The following DPYSL3 variants were observed in gnomAD, a reference collection of about 807,000 sequenced individuals.
DPYSL3 encodes dihydropyrimidinase-related protein 3.
In DPYSL3, 16 loss-of-function variants were observed where a neutral mutation model predicts 66.1. That is an observed-to-expected ratio of 0.24 (90% CI 0.16 to 0.37). The LOEUF is 0.37. Among genes scored for constraint, DPYSL3 ranks in the 10% least tolerant of loss-of-function variants. The probability of loss-of-function intolerance (pLI) is 1.00; values close to 1 mark genes in which losing one functional copy is unlikely to be tolerated. For missense variants in DPYSL3, 738 were observed against 916.2 expected (o/e 0.81, Z 2.51); for synonymous variants, 338 against 345.1 (o/e 0.98, Z 0.23).
intron 1 of DPYSL3, among the ~76,000 whole-genome samples, chr5:147,480,579 A>G (rs1390974066): frequency 6.6e-6 from 1 of 152,034 alleles, no homozygotes; most frequent in African/African-American, 2.4e-5. Flanking sequence ...AACCATTACT[A>G]AACCCAGGTT....
At chr5:147,439,508 C>T (rs1190100079) in intron 1 of DPYSL3, among the ~76,000 whole-genome samples, 2 of 152,114 alleles carry the variant, frequency 1.3e-5, no homozygotes, top group Non-Finnish European at 2.9e-5. Context: ...AGGGCCACTC[C>T]ACATGGGACC....
chr5:147,503,126 C>CT (rs370106825), intron 1 of DPYSL3, among the ~76,000 whole-genome samples: 13 of 152,238 alleles, frequency 8.5e-5, no homozygotes, highest in African/African-American at 2.6e-4. Context: ...TCATTAATGA[C>CT]TAAGTTGTTA....
chr5:147,495,703 G>A (rs936900890), intron 1 of DPYSL3, among the ~76,000 whole-genome samples: 3 of 152,012 alleles, frequency 2.0e-5, no homozygotes, highest in Admixed American at 6.6e-5. Flanking sequence ...GATGTGAAGG[G>A]CCTCTTCAAG....
chr5:147,406,805 T>TA (rs140930661), intron 7 of DPYSL3, among the ~76,000 whole-genome samples: 2,805 of 151,972 alleles, frequency 0.018, 90 homozygotes, highest in African/African-American at 0.065. Context: ...GCCCAACACT[T>TA]AAAAAAAATA....
At chr5:147,489,593 C>T (rs1038981412) in intron 1 of DPYSL3, among the ~76,000 whole-genome samples, 5 of 152,088 alleles carry the variant, frequency 3.3e-5, no homozygotes, top group Non-Finnish European at 7.4e-5. Context: ...GAGCACACAC[C>T]CCTTGAACCT....
chr5:147,422,172 A>G (rs1752094315), intron 2 of DPYSL3, among the ~76,000 whole-genome samples: 1 of 152,216 alleles, frequency 6.6e-6, no homozygotes, highest in African/African-American at 2.4e-5. Flanking sequence ...AAACAACCCC[A>G]TCAAAAAAAT....
chr5:147,414,951 C>T (rs1441120021), intron 4 of DPYSL3, among the ~76,000 whole-genome samples: 1 of 152,066 alleles, frequency 6.6e-6, no homozygotes, highest in African/African-American at 2.4e-5. Flanking sequence ...CAGCAAAGGC[C>T]ATTACTTACA....
At chr5:147,503,642 C>CAT (rs1753645611) in intron 1 of DPYSL3, among the ~76,000 whole-genome samples, 1 of 152,238 alleles carries the variant, frequency 6.6e-6, no homozygotes, top group African/African-American at 2.4e-5. Context: ...TATATATGCA[C>CAT]ATATGTGTAA....
At chr5:147,471,523 G>T (rs1359830806) in intron 1 of DPYSL3, among the ~76,000 whole-genome samples, 1 of 152,116 alleles carries the variant, frequency 6.6e-6, no homozygotes, top group Non-Finnish European at 1.5e-5. Flanking sequence ...CAATTGGAAA[G>T]AATTCGATTG....
At chr5:147,425,939 A>G (rs746573726) in intron 1 of DPYSL3, among the ~76,000 whole-genome samples, 16 of 152,124 alleles carry the variant, frequency 1.1e-4, no homozygotes, top group Non-Finnish European at 2.2e-4. Flanking sequence ...TACAGCATGA[A>G]TAAAGAATGA....
Position 147,393,669 on chromosome 5 carries a change from C to T in DPYSL3, c.*366G>A, listed in dbSNP as rs980813562. 2.1e-4 allele frequency: 46 copies of T among 214,180 alleles called. No homozygotes were observed. Among genetic ancestry groups the T allele is most frequent in the Non-Finnish European group, 1.1e-4 (11 of 104,256 alleles). The allele number at this position is 214,180 out of a possible 1,614,324, so 13.3% of individuals were successfully genotyped here. A position where few individuals can be genotyped will look rare whatever the true frequency, so the allele number is the denominator to read the frequency against. ...CCACCCACTCACCCCAAATAACCTG[C>T]GTCCCTTTTGTTCATTTCCCTGACG... On this transcript the variant is annotated 3_prime_UTR_variant, in exon 14 of 14. Transcript: ENST00000343218.
intron 1 of DPYSL3, among the ~76,000 whole-genome samples, chr5:147,442,053 C>T (rs1158182624): frequency 6.6e-6 from 1 of 152,170 alleles, no homozygotes; most frequent in African/African-American, 2.4e-5. Flanking sequence ...TTATCAATAT[C>T]CCCAAACAAA....
intron 6 of DPYSL3, among the ~76,000 whole-genome samples, chr5:147,410,264 C>T (rs1045623754): frequency 3.3e-5 from 5 of 152,212 alleles, no homozygotes; most frequent in Middle Eastern, 3.4e-3. Context: ...AGGTGGCTTC[C>T]AAGCACATTT....
intron 12 of DPYSL3, 146 bp downstream of exon 12, chr5:147,397,520 G>T: frequency 1.2e-6 from 1 of 868,714 alleles, no homozygotes; most frequent in Non-Finnish European, 1.7e-6. Flanking sequence ...CATTAAGTCT[G>T]TGTAGTTGTT....
At chr5:147,421,543 T>C (rs961217033) in intron 2 of DPYSL3, among the ~76,000 whole-genome samples, 4 of 152,166 alleles carry the variant, frequency 2.6e-5, no homozygotes, top group Non-Finnish European at 4.4e-5. Context: ...AAACAGCTTG[T>C]ATATCCAAGA....
At chr5:147,473,831 A>C (rs1160339525) in intron 1 of DPYSL3, among the ~76,000 whole-genome samples, 2 of 152,166 alleles carry the variant, frequency 1.3e-5, no homozygotes, top group East Asian at 3.9e-4. Flanking sequence ...TGGACTTCCA[A>C]TTTTCTTTTT....
intron 2 of DPYSL3, among the ~76,000 whole-genome samples, chr5:147,422,356 T>C (rs1421484080): frequency 2.0e-5 from 3 of 152,174 alleles, no homozygotes; most frequent in African/African-American, 7.2e-5. Flanking sequence ...AAACAACAGA[T>C]GCTGGAAAGG....
intron 1 of DPYSL3, among the ~76,000 whole-genome samples, chr5:147,431,448 C>A (rs983253281): frequency 6.6e-6 from 1 of 152,018 alleles, no homozygotes; most frequent in African/African-American, 2.4e-5. Context: ...GACAATGATA[C>A]CTTTTTCTGA....
intron 1 of DPYSL3, among the ~76,000 whole-genome samples, chr5:147,440,844 C>T (rs76468057): frequency 0.025 from 3,826 of 152,154 alleles, 154 homozygotes; most frequent in African/African-American, 0.083. Context: ...GGAGATAGAA[C>T]AGTACAGTAA....
Sources: allele counts gnomAD v4.1 joint callset (sites outside exome capture counted in the v4.1 genomes callset), GRCh38; gene constraint gnomAD v4.1.1; transcripts MANE v1.5; gene names NCBI Gene and HGNC (gene_info 2026-07-23, HGNC 2026-07-21).